The following DNAI4 variants were observed in gnomAD, a reference collection of about 807,000 sequenced individuals.
DNAI4 encodes the protein dynein axonemal intermediate chain 4, also known as WD repeat domain 78.
In DNAI4, 85 loss-of-function variants were observed where a neutral mutation model predicts 105.8. The observed-to-expected ratio is 0.80, with a 90% confidence interval of 0.67 to 0.96. The LOEUF (loss-of-function observed/expected upper bound fraction) is 0.96. Among genes scored for constraint, DNAI4 ranks in the 40% least tolerant of loss-of-function variants. The pLI, the probability that DNAI4 is intolerant of heterozygous loss-of-function variation, is 0.00. For synonymous variants in DNAI4, 352 were observed against 331.5 expected (o/e 1.06, Z -0.67); for missense variants, 1,014 against 1,005.6 (o/e 1.01, Z -0.11).
chr1:66,896,701 C>T (rs138994426), intron 2 of DNAI4, among the ~76,000 whole-genome samples: 4 of 152,242 alleles, frequency 2.6e-5, no homozygotes, highest in Non-Finnish European at 5.9e-5. Context: ...CCTCACCATG[C>T]GACACCCTGC....
At chr1:66,858,474 A>C (rs1646550272) in intron 7 of DNAI4, among the ~76,000 whole-genome samples, 1 of 149,120 alleles carries the variant, frequency 6.7e-6, no homozygotes, top group Admixed American at 6.7e-5. Flanking sequence ...CCGGGCTTGC[A>C]GTGAGCCGAG....
chr1:66,906,851 C>A (rs1271900334), intron 1 of DNAI4: 1 of 152,120 alleles, frequency 6.6e-6, no homozygotes, highest in East Asian at 1.9e-4. Context: ...CTTCTCCCAC[C>A]TCCTACAAAC....
intron 2 of DNAI4, among the ~76,000 whole-genome samples, chr1:66,901,628 G>A (rs1171457888): frequency 6.6e-6 from 1 of 152,110 alleles, no homozygotes; most frequent in Non-Finnish European, 1.5e-5. Flanking sequence ...GAGGACTTTA[G>A]TTGCTTTCAC....
At chr1:66,830,941 C>T (rs529398733) in intron 13 of DNAI4, among the ~76,000 whole-genome samples, 1 of 140,196 alleles carries the variant, frequency 7.1e-6, no homozygotes, top group Non-Finnish European at 1.5e-5. Flanking sequence ...CATACCACTG[C>T]ACTCCAGCCT....
At chr1:66,892,381 C>T (rs977254114) in intron 3 of DNAI4, among the ~76,000 whole-genome samples, 3 of 152,186 alleles carry the variant, frequency 2.0e-5, no homozygotes, top group African/African-American at 7.2e-5. Context: ...AAAGCCACCT[C>T]TTCCTGTAAA....
chr1:66,842,138 T>C (rs902701820), intron 8 of DNAI4, among the ~76,000 whole-genome samples: 4 of 152,204 alleles, frequency 2.6e-5, no homozygotes, highest in African/African-American at 4.8e-5. Context: ...TCAAATTTCC[T>C]CCAGGTCTGC....
intron 4 of DNAI4, among the ~76,000 whole-genome samples, chr1:66,880,196 A>C (rs946739513): frequency 1.3e-5 from 2 of 152,202 alleles, no homozygotes; most frequent in Non-Finnish European, 2.9e-5. Context: ...TCCAAGTCTC[A>C]GGTATGTCTT....
At chr1:66,923,117 A>G (rs1218368545) in intron 1 of DNAI4, among the ~76,000 whole-genome samples, 1 of 152,242 alleles carries the variant, frequency 6.6e-6, no homozygotes, top group Non-Finnish European at 1.5e-5. Context: ...CTATGTTTAC[A>G]TACACAAATA....
At chr1:66,901,500 T>C (rs1282296264) in intron 2 of DNAI4, among the ~76,000 whole-genome samples, 2 of 152,236 alleles carry the variant, frequency 1.3e-5, no homozygotes, top group Admixed American at 1.3e-4. Flanking sequence ...TTATTTCTAT[T>C]AGTGAATATT....
chr1:66,870,169 C>T (rs1185165365), intron 6 of DNAI4, among the ~76,000 whole-genome samples: 1 of 152,084 alleles, frequency 6.6e-6, no homozygotes, highest in Non-Finnish European at 1.5e-5. Context: ...CATGGCCAGG[C>T]GCGGTGGCTC....
chr1:66,816,112 A>G (rs1280731685), intron 16 of DNAI4, among the ~76,000 whole-genome samples: 3 of 152,206 alleles, frequency 2.0e-5, no homozygotes, highest in African/African-American at 7.2e-5. Context: ...GTTTATGACC[A>G]GCCCGGGCAA....
intron 6 of DNAI4, among the ~76,000 whole-genome samples, chr1:66,866,707 TTA>T (rs1646741544): frequency 6.6e-6 from 1 of 152,230 alleles, no homozygotes; most frequent in Non-Finnish European, 1.5e-5. Context: ...GAAAATGTCT[TTA>T]TTCTACCATC....
chr1:66,847,205 T>C (rs574131033), intron 8 of DNAI4, among the ~76,000 whole-genome samples: 1 of 152,372 alleles, frequency 6.6e-6, no homozygotes, highest in Admixed American at 6.5e-5. Flanking sequence ...CCTCTGATAA[T>C]GATAACTCAA....
chr1:66,899,279 CTAGCCATCT>C (rs1430468374), intron 2 of DNAI4, among the ~76,000 whole-genome samples: 1 of 152,162 alleles, frequency 6.6e-6, no homozygotes, highest in East Asian at 1.9e-4. Flanking sequence ...CTCTTTGATT[CTAGCCATCT>C]TAGTGGGTAT....
chr1:66,845,217 T>TAAAAAAAAAAAAAAAA (rs869249698), intron 8 of DNAI4, among the ~76,000 whole-genome samples: 1 of 38,110 alleles, frequency 2.6e-5, no homozygotes, highest in African/African-American at 1.0e-4. Flanking sequence ...AAAGAAAAAT[T>TAAAAAAAAAAAAAAAA]AAAAAAAAAA....
chr1:66,896,197 A>C (rs1029942575), intron 2 of DNAI4, among the ~76,000 whole-genome samples: 13 of 152,100 alleles, frequency 8.5e-5, no homozygotes, highest in African/African-American at 3.1e-4. Flanking sequence ...CACTCATATA[A>C]ATTTCTTTAA....
chr1:66,924,077 G>C (rs1302339234), intron 1 of DNAI4, among the ~76,000 whole-genome samples: 2 of 152,242 alleles, frequency 1.3e-5, no homozygotes, highest in African/African-American at 4.8e-5. Context: ...AAAGCATCAA[G>C]CTTGAGAGAC....
chr1:66,832,509 A>G (rs1299779072), intron 13 of DNAI4, among the ~76,000 whole-genome samples: 1 of 152,180 alleles, frequency 6.6e-6, no homozygotes, highest in East Asian at 1.9e-4. Context: ...GATGGTTACC[A>G]GAGGCTGGGA....
intron 7 of DNAI4, among the ~76,000 whole-genome samples, chr1:66,857,816 C>T (rs1248213211): frequency 2.0e-5 from 3 of 151,948 alleles, no homozygotes; most frequent in African/African-American, 7.3e-5. Flanking sequence ...GAACTCCCGA[C>T]CTCAGGTGAT....
Sources: gnomAD v4.1 joint callset for allele counts (sites outside exome capture counted in the v4.1 genomes callset) on GRCh38, gnomAD v4.1.1 for gene constraint, MANE v1.5 for transcripts, NCBI Gene and HGNC (gene_info 2026-07-23, HGNC 2026-07-21) for gene names.